The following FBXO16 variants were observed in gnomAD, a reference collection of about 807,000 sequenced individuals.
FBXO16 encodes the protein F-box only protein 16.
A neutral mutation model predicts 41.0 loss-of-function variants in FBXO16; 31 were observed. That is an observed-to-expected ratio of 0.76 (90% CI 0.57 to 1.02). The LOEUF is 1.02. Among genes scored for constraint, FBXO16 ranks in the 50% least tolerant of loss-of-function variants. FBXO16 has a pLI of 0.00. For synonymous variants in FBXO16, 133 were observed against 117.8 expected, an observed-to-expected ratio of 1.13 and a Z score of -0.84; for missense variants, 361 against 346.2, an observed-to-expected ratio of 1.04 and a Z score of -0.34.
intron 7 of FBXO16, among the ~76,000 whole-genome samples, chr8:28,431,880 T>C (rs1322396026): frequency 6.6e-6 from 1 of 152,190 alleles, no homozygotes; most frequent in African/African-American, 2.4e-5. Context: ...ACAAAAGCAT[T>C]CAGCGAAAAA....
chr8:28,456,839 G>T lies in FBXO16; in HGVS notation c.434C>A (p.Thr145Asn). The T allele has an allele frequency of 6.2e-7, 1 of 1,614,136 alleles. No individual in the cohort carries two copies. Among genetic ancestry groups the T allele is most frequent in the Middle Eastern group, 1.6e-4 (1 of 6,062 alleles). The change falls in exon 5 of 9, where the codon ACT becomes AAT. Residue 145 changes from threonine to asparagine, a missense_variant. Transcript: ENST00000380254. ...RFNWYINFSP[T>N]PFEQGIWKKH... ...CTTCCAGATCCCCTGCTCAAAGGGAGTTGGAGAGAAATTGATGTACCAGTT... is the reference window on the plus strand; with the variant it reads ...CTTCCAGATCCCCTGCTCAAAGGGATTTGGAGAGAAATTGATGTACCAGTT...
At position 28,463,625 on chromosome 8, in the gene FBXO16, C is replaced by T; in HGVS notation, c.329G>A (p.Cys110Tyr). ...IFSFLDPRSLCRCAQVCWHWK... is the reference protein window; with the variant it reads ...IFSFLDPRSLYRCAQVCWHWK... ...CCTTGCCTTTACCTGTGCACAACGA[C>T]AAAGGCTCCGAGGGTCCAGGAAAGA... The change falls in exon 4 of 9, where the codon TGT (cysteine) becomes TAT (tyrosine). Residue 110 changes from cysteine (C) to tyrosine (Y), a missense_variant. Physicochemically the swap from Cys to Tyr is radical, Grantham distance 194. Transcript: ENST00000380254. The T allele has an allele frequency of 1.2e-6, 2 of 1,614,004 alleles. No homozygotes were observed. The highest frequency in any genetic ancestry group is 4.5e-5 in the East Asian group (2 of 44,890).
chr8:28,449,999 G>C (rs1289233094), intron 6 of FBXO16, among the ~76,000 whole-genome samples: 1 of 148,502 alleles, frequency 6.7e-6, no homozygotes, highest in Non-Finnish European at 1.5e-5. Flanking sequence ...AAAAAAAGAA[G>C]GGCGATTTGC....
intron 7 of FBXO16, among the ~76,000 whole-genome samples, chr8:28,441,736 CAAAAAA>C (rs1177604301): frequency 3.5e-5 from 3 of 84,552 alleles, no homozygotes; most frequent in African/African-American, 1.4e-4. Context: ...AACTCCGTCT[CAAAAAA>C]AAAAAAAAAC....
chr8:28,482,056 G>A (rs1346501418), intron 2 of FBXO16, among the ~76,000 whole-genome samples: 2 of 152,206 alleles, frequency 1.3e-5, no homozygotes, highest in Non-Finnish European at 2.9e-5. Context: ...CCTGTGGGAC[G>A]GGGAGGACCA....
chr8:28,470,084 C>T (rs1196425165), intron 3 of FBXO16, among the ~76,000 whole-genome samples: 1 of 150,872 alleles, frequency 6.6e-6, no homozygotes. Flanking sequence ...GTCCCAGCTA[C>T]TCGGGAGGCT....
chr8:28,428,486 A>G lies in FBXO16; in HGVS notation c.*241T>C, dbSNP rs1802559611. On this transcript the variant is annotated 3_prime_UTR_variant, in exon 9 of 9. Transcript: ENST00000380254. ...AAGTACTTAAGCTGAAAGAGTTTCT[A>G]ATGGGAGCCAAGTAAATTCAGCTCT... 7.2e-7 allele frequency: 1 copy of G among 1,395,010 alleles called. No homozygotes were observed. Among genetic ancestry groups the G allele is most frequent in the Admixed American group, 2.6e-5 (1 of 38,754 alleles). 86.4% of individuals were successfully genotyped at this position (1,395,010 alleles called of 1,614,324 possible). A position where few individuals can be genotyped will look rare whatever the true frequency, so the allele number is the denominator to read the frequency against.
intron 7 of FBXO16, among the ~76,000 whole-genome samples, chr8:28,431,884 C>T (rs777987335): frequency 6.6e-6 from 1 of 152,080 alleles, no homozygotes; most frequent in Non-Finnish European, 1.5e-5. Context: ...AAGCATTCAG[C>T]GAAAAATCTC....
intron 1 of FBXO16, 40 bp downstream of exon 1, chr8:28,490,146 A>G (rs1427400637): frequency 2.0e-5 from 3 of 152,058 alleles, no homozygotes; most frequent in Non-Finnish European, 2.9e-5. Context: ...TTCCAAAGAG[A>G]GAGTCTCCAT....
intron 2 of FBXO16, among the ~76,000 whole-genome samples, chr8:28,480,245 C>T (rs1803489961): frequency 6.6e-6 from 1 of 152,110 alleles, no homozygotes; most frequent in African/African-American, 2.4e-5. Context: ...TCTACCTTGG[C>T]CCTTCTGTTC....
intron 2 of FBXO16, among the ~76,000 whole-genome samples, chr8:28,475,599 G>A (rs1207591349): frequency 1.3e-5 from 2 of 152,182 alleles, no homozygotes; most frequent in African/African-American, 4.8e-5. Context: ...TCACTTTTCT[G>A]ATGTCCAGGG....
At position 28,463,826 on chromosome 8, in the gene FBXO16, C is replaced by A. The variant is rs7839077; in HGVS notation, c.136-8G>T. 10,259 of 1,612,246 alleles carry A rather than the reference C, an allele frequency of 6.4e-3. 552 individuals are homozygous for A. In the African/African-American group the frequency reaches 0.12, roughly 19 times the overall value. On this transcript the variant is annotated splice_polypyrimidine_tract_variant and splice_region_variant and intron_variant, in intron 3 of 8. Coordinates refer to ENST00000380254, the MANE Select transcript of FBXO16 (RefSeq NM_172366.4). ...GTCTGTCCATTTGTCAAACTGGAAA[C>A]ACAAAACAAAGCAAAATGTAAAAAG... is the stretch of plus-strand genomic sequence containing the variant.
chr8:28,466,384 A>G (rs1321734986), intron 3 of FBXO16, among the ~76,000 whole-genome samples: 1 of 152,184 alleles, frequency 6.6e-6, no homozygotes, highest in Non-Finnish European at 1.5e-5. Flanking sequence ...CCTAAAATGA[A>G]AAAACAAAAA....
intron 4 of FBXO16, 136 bp from the exon 5 acceptor site, chr8:28,457,066 A>T: frequency 1.2e-6 from 1 of 832,178 alleles, no homozygotes; most frequent in Non-Finnish European, 1.8e-6. Flanking sequence ...ACCATAGCTT[A>T]AATGGTTACC....
intron 6 of FBXO16, among the ~76,000 whole-genome samples, chr8:28,450,205 C>T (rs1373962710): frequency 1.3e-5 from 2 of 152,096 alleles, no homozygotes; most frequent in East Asian, 3.9e-4. Flanking sequence ...GGTGTCAAGA[C>T]TATTCAGTGG....
chr8:28,459,623 A>AAACAAT (rs71222553), intron 4 of FBXO16, among the ~76,000 whole-genome samples: 7 of 137,880 alleles, frequency 5.1e-5, no homozygotes, highest in African/African-American at 1.9e-4. Flanking sequence ...CCTGTCTCAA[A>AAACAAT]AATAATAATA....
intron 4 of FBXO16, among the ~76,000 whole-genome samples, chr8:28,459,979 T>C (rs892689559): frequency 2.0e-4 from 30 of 151,762 alleles, no homozygotes; most frequent in African/African-American, 6.8e-4. Context: ...TGAGCCGAGA[T>C]TGTGCCACTG....
intron 7 of FBXO16, among the ~76,000 whole-genome samples, chr8:28,432,146 T>TGC (rs1348138355): frequency 6.6e-6 from 1 of 151,600 alleles, no homozygotes; most frequent in African/African-American, 2.4e-5. Flanking sequence ...TGTGTGTGTG[T>TGC]GTGTGTGTGT....
intron 7 of FBXO16, among the ~76,000 whole-genome samples, chr8:28,437,766 A>G (rs1356543532): frequency 1.3e-5 from 2 of 152,078 alleles, no homozygotes; most frequent in African/African-American, 4.8e-5. Context: ...CTAGCTACTC[A>G]GGAGGCTAAG....
Sources: allele counts gnomAD v4.1 joint callset (sites outside exome capture counted in the v4.1 genomes callset), GRCh38; gene constraint gnomAD v4.1.1; transcripts MANE v1.5; gene names NCBI Gene and HGNC (gene_info 2026-07-23, HGNC 2026-07-21).